AMBRA1: variants seen among roughly 807,000 people sequenced by gnomAD.
The protein encoded by AMBRA1 is activating molecule in BECN1-regulated autophagy protein 1.
Under a neutral mutation model 125.4 loss-of-function variants are expected in AMBRA1, and 47 were observed. The ratio of observed to expected loss-of-function variants is 0.37; its 90% CI spans 0.30 to 0.48. The LOEUF is 0.48. AMBRA1 is among the 20% of genes least tolerant of loss of function. The pLI is 0.99. For missense variants in AMBRA1, 1,331 were observed against 1,693.4 expected (o/e 0.79, Z 3.76); for synonymous variants, 626 against 655.5 (o/e 0.95, Z 0.69).
intron 7 of AMBRA1, among the ~76,000 whole-genome samples, chr11:46,526,943 C>CA (rs1179614692): frequency 1.3e-5 from 2 of 152,050 alleles, no homozygotes; most frequent in Non-Finnish European, 2.9e-5. Context: ...CTACTAAAAA[C>CA]AAAAAAGGCA....
chr11:46,572,948 G>A (rs778882012), intron 1 of AMBRA1, among the ~76,000 whole-genome samples: 5 of 151,712 alleles, frequency 3.3e-5, no homozygotes, highest in African/African-American at 9.7e-5. Flanking sequence ...AAAATTAGCC[G>A]GGTGTGGTGG....
At chr11:46,567,268 C>T (rs553333305) in intron 1 of AMBRA1, among the ~76,000 whole-genome samples, 157 of 152,298 alleles carry the variant, frequency 1.0e-3, no homozygotes, top group African/African-American at 3.8e-3. Flanking sequence ...AACGTGGTTT[C>T]ACCATTTTGG....
Position 46,542,075 on chromosome 11 carries a change from C to T in AMBRA1, c.1942G>A (p.Val648Met), listed in dbSNP as rs752487414. Residue 648 changes from valine to methionine, a missense_variant, in exon 7 of 18, where the codon GTG becomes ATG. Coordinates refer to ENST00000683756, the MANE Select transcript of AMBRA1 (RefSeq NM_001387011.1). The surrounding 1 kb of genome is among the most constrained non-coding windows in gnomAD (Gnocchi z 5.9). ...ASPQEERTVG[V>M]AFNQETGHWE... ...TGGCCTGTCTCCTGGTTAAAGGCCA[C>T]CCCCACAGTCCTCTCCTCCTGCGGA... 1.2e-6 allele frequency: 2 copies of T among 1,613,798 alleles called. No individual in the cohort carries two copies. Among genetic ancestry groups the T allele is most frequent in the Admixed American group, 1.7e-5 (1 of 59,890 alleles).
At chr11:46,481,166 G>T (rs975793008) in intron 11 of AMBRA1, among the ~76,000 whole-genome samples, 12 of 152,252 alleles carry the variant, frequency 7.9e-5, no homozygotes, top group African/African-American at 2.9e-4. Context: ...GATAAGAGCA[G>T]CACGGTGCAA....
In AMBRA1 at chr11:46,494,233, G is replaced by T. The variant is rs1297456271; in HGVS notation, c.2340-29C>A. ...AAAAAAATAAAAACACTACACATAAGAGAGTCACTAAGGAAGAATCATCCA... is the reference window on the plus strand; with the variant it reads ...AAAAAAATAAAAACACTACACATAATAGAGTCACTAAGGAAGAATCATCCA... On this transcript the variant is annotated intron_variant, in intron 9 of 17. Coordinates refer to ENST00000683756, the MANE Select transcript of AMBRA1 (RefSeq NM_001387011.1). The T allele has an allele frequency of 1.9e-6, 3 of 1,546,904 alleles. No individual in the cohort carries two copies. The South Asian group carries it at 3.5e-5, about 18-fold the overall frequency.
chr11:46,434,396 A>AAAAC (rs1166308738), intron 13 of AMBRA1, among the ~76,000 whole-genome samples: 82 of 97,174 alleles, frequency 8.4e-4, no homozygotes, highest in Admixed American at 1.3e-3. Context: ...ACCCTCCCGC[A>AAAAC]AAACAAACAA....
chr11:46,552,476 A>G (rs1462036114), intron 1 of AMBRA1, among the ~76,000 whole-genome samples: 1 of 150,466 alleles, frequency 6.6e-6, no homozygotes, highest in Non-Finnish European at 1.5e-5. Context: ...AACAAGTTCA[A>G]GAGATCGAGA....
intron 11 of AMBRA1, among the ~76,000 whole-genome samples, chr11:46,488,688 A>T (rs1295294717): frequency 1.3e-5 from 2 of 152,210 alleles, no homozygotes; most frequent in Non-Finnish European, 2.9e-5. Flanking sequence ...CACTCTCTAG[A>T]AGAGCCTATA....
chr11:46,571,470 T>C (rs909261469), intron 1 of AMBRA1, among the ~76,000 whole-genome samples: 1 of 151,952 alleles, frequency 6.6e-6, no homozygotes, highest in Non-Finnish European at 1.5e-5. Context: ...AGCCCTAAAG[T>C]CCGAGACCAG....
In AMBRA1 at chr11:46,520,525, C is replaced by T. The variant is rs898563927; in HGVS notation, c.2073-7712G>A. On this transcript the variant is annotated intron_variant, in intron 7 of 17. Transcript: ENST00000683756. ...CTGTCTGTAAAAAGCCTTCAAAGCT[C>T]AAATACCTGACTCCTCCAGCCAGAA... 1.3e-3 allele frequency among the ~76,000 whole-genome samples: 196 copies of T among 152,018 alleles called. 2 individuals carry two copies. The highest frequency in any genetic ancestry group is 3.8e-4 in the Non-Finnish European group (26 of 67,974).
chr11:46,565,939 T>G (rs879336289), intron 1 of AMBRA1, among the ~76,000 whole-genome samples: 1 of 151,762 alleles, frequency 6.6e-6, no homozygotes, highest in Admixed American at 6.6e-5. Context: ...CATCGGCTAA[T>G]TTTTTTTGTA....
chr11:46,576,689 T>C (rs1164113786), intron 1 of AMBRA1, among the ~76,000 whole-genome samples: 2 of 152,340 alleles, frequency 1.3e-5, no homozygotes, highest in South Asian at 2.1e-4. Context: ...CTGTCCTCTA[T>C]GGAAAGAGAA....
chr11:46,549,479 T>G (rs1413508953), intron 1 of AMBRA1, among the ~76,000 whole-genome samples: 2 of 151,828 alleles, frequency 1.3e-5, no homozygotes, highest in Non-Finnish European at 1.5e-5. Flanking sequence ...GAGGTTGGTG[T>G]TTTTTTTGTA....
rs777385178 is a variant in AMBRA1, at chr11:46,542,623, G to A, written c.1394C>T (p.Ser465Leu). 1 of 1,614,144 alleles carries A rather than the reference G, an allele frequency of 6.2e-7. No individual in the cohort carries two copies. Among genetic ancestry groups the A allele is most frequent in the East Asian group, 2.2e-5 (1 of 44,884 alleles). Reference sequence around the variant, plus strand: ...CGGAAAACCCCTCCCTTCTGTGGCTGAAGTGTACACAGATGCCTGAGAGCC... The same window carrying A: ...CGGAAAACCCCTCCCTTCTGTGGCTAAAGTGTACACAGATGCCTGAGAGCC... ...EGGSQASVYT[S>L]ATEGRGFPAS... is the part of the protein sequence containing the mutation. The change falls in exon 7 of 18, where the codon TCA becomes TTA. Residue 465 changes from serine (S) to leucine (L), a missense_variant. This residue lies in a region of AMBRA1 where 689 missense variants were observed against 776.5 expected (regional missense o/e 0.89). Transcript: ENST00000683756. The surrounding 1 kb of genome is among the most constrained non-coding windows in gnomAD (Gnocchi z 5.9).
At chr11:46,530,417 T>C (rs891779976) in intron 7 of AMBRA1, among the ~76,000 whole-genome samples, 6 of 152,178 alleles carry the variant, frequency 3.9e-5, no homozygotes, top group Admixed American at 6.5e-5. Flanking sequence ...ATCTGGAGGC[T>C]CATGCCCTCC....
intron 14 of AMBRA1, chr11:46,428,934 T>A: frequency 6.2e-7 from 1 of 1,612,114 alleles, no homozygotes. Flanking sequence ...ATACCCTCAT[T>A]GGTAAGGTAC....
intron 11 of AMBRA1, among the ~76,000 whole-genome samples, chr11:46,479,157 C>T (rs1413136680): frequency 6.6e-6 from 1 of 151,872 alleles, no homozygotes; most frequent in African/African-American, 2.4e-5. Context: ...GTAATCAAAC[C>T]ACTGCATTCC....
intron 1 of AMBRA1, among the ~76,000 whole-genome samples, chr11:46,563,702 T>C (rs1168714413): frequency 1.3e-5 from 2 of 150,188 alleles, no homozygotes; most frequent in African/African-American, 2.5e-5. Context: ...TAGCTGGGTA[T>C]AGTGGTGCAC....
chr11:46,490,167 G>A (rs1360516905), intron 11 of AMBRA1, among the ~76,000 whole-genome samples: 1 of 152,200 alleles, frequency 6.6e-6, no homozygotes, highest in East Asian at 1.9e-4. Flanking sequence ...AGCAGGGGGA[G>A]CTCCTCAGAC....
Sources: gnomAD v4.1 joint callset for allele counts (sites outside exome capture counted in the v4.1 genomes callset) on GRCh38, gnomAD v4.1.1 for gene constraint, gnomAD v4.1.1 regional missense constraint, Gnocchi (gnomAD v3.1) non-coding constraint, MANE v1.5 for transcripts, NCBI Gene and HGNC (gene_info 2026-07-23, HGNC 2026-07-21) for gene names.